The following KIAA1217 variants were observed in gnomAD, a reference collection of about 807,000 sequenced individuals.
KIAA1217 encodes sickle tail protein homolog.
KIAA1217 carries 88 observed loss-of-function variants against 163.9 expected under a neutral mutation model. That is an observed-to-expected ratio of 0.54 (90% CI 0.45 to 0.64). The LOEUF (loss-of-function observed/expected upper bound fraction) is 0.64, where lower values mean the gene tolerates loss of function less well. KIAA1217 is among the 30% of genes least tolerant of loss of function. The pLI is 0.00. For missense variants in KIAA1217, 2,372 were observed against 2,475.0 expected (o/e 0.96, Z 0.88); for synonymous variants, 903 against 923.1 (o/e 0.98, Z 0.39).
chr10:24,118,467 C>T (rs1437062339), intron 2 of KIAA1217, among the ~76,000 whole-genome samples: 2 of 152,174 alleles, frequency 1.3e-5, no homozygotes, highest in East Asian at 1.9e-4. Context: ...GTAGGGAGTC[C>T]TCAGCAGGAA....
At chr10:24,361,456 G>A (rs1363960609) in intron 2 of KIAA1217, among the ~76,000 whole-genome samples, 2 of 152,130 alleles carry the variant, frequency 1.3e-5, no homozygotes, top group African/African-American at 4.8e-5. Context: ...CCAAAGTGCT[G>A]AATTTACAGG....
At chr10:24,288,792 C>T (rs78534414) in intron 2 of KIAA1217, among the ~76,000 whole-genome samples, 2 of 152,286 alleles carry the variant, frequency 1.3e-5, no homozygotes, top group East Asian at 3.9e-4. Flanking sequence ...CATGCTTGGA[C>T]ATGAGACAGC....
Position 24,545,844 on chromosome 10 carries a change from G to A in KIAA1217, c.5352G>A (p.Lys1784=), listed in dbSNP as rs1444601229. 6.3e-7 allele frequency: 1 copy of A among 1,594,934 alleles called. No individual in the cohort carries two copies. Among genetic ancestry groups the A allele is most frequent in the Non-Finnish European group, 8.5e-7 (1 of 1,172,346 alleles). Residue 1784 remains lysine (K), a synonymous_variant, in exon 21 of 21, where the codon AAG becomes AAA. Transcript: ENST00000376454. ...RQYRQANGSA[K]KSGGDFKPTS... ...ATTTGCAGGCTAATGGAAGTGCTAA[G>A]AAATCTGGTGGGGACTTTAAGCCTA... is the stretch of plus-strand genomic sequence containing the variant.
Position 23,868,265 on chromosome 10 carries a change from C to G in KIAA1217, c.-320-138960C>G, listed in dbSNP as rs536821797. On this transcript the variant is annotated intron_variant, in intron 1 of 18. Transcript: ENST00000376462. The stretch of plus-strand genomic sequence containing the variant: ...ATGGTTTTCTTTGCTTCCAGGAAAG[C>G]AGCCCAGATGTACGGTTACTCAGTT... Among the ~76,000 whole-genome samples, 3 of 152,210 alleles carry G rather than the reference C, an allele frequency of 2.0e-5. 1 individual carries two copies. Among genetic ancestry groups the G allele is most frequent in the Admixed American group, 2.0e-4 (3 of 15,272 alleles).
At chr10:24,015,901 G>T (rs1053949078) in intron 2 of KIAA1217, among the ~76,000 whole-genome samples, 2 of 151,646 alleles carry the variant, frequency 1.3e-5, no homozygotes, top group Non-Finnish European at 2.9e-5. Flanking sequence ...TCCTGTTTGC[G>T]TAGGGTAAAA....
chr10:23,997,255 C>T (rs917217225), intron 1 of KIAA1217, among the ~76,000 whole-genome samples: 3 of 152,212 alleles, frequency 2.0e-5, no homozygotes, highest in Non-Finnish European at 4.4e-5. Context: ...CATTTTCCCA[C>T]ATTATCACAT....
intron 1 of KIAA1217, among the ~76,000 whole-genome samples, chr10:23,913,426 A>G (rs577303150): frequency 1.8e-4 from 28 of 152,136 alleles, no homozygotes; most frequent in Middle Eastern, 3.4e-3. Flanking sequence ...AAAAAAAAAA[A>G]AGTAAAAGAT....
intron 1 of KIAA1217, among the ~76,000 whole-genome samples, chr10:23,868,319 G>A (rs1305189556): frequency 6.6e-6 from 1 of 152,114 alleles, no homozygotes; most frequent in Non-Finnish European, 1.5e-5. Flanking sequence ...AGGATTCAAA[G>A]ACAGACCAGC....
intron 1 of KIAA1217, among the ~76,000 whole-genome samples, chr10:23,696,523 A>G (rs149175229): frequency 1.8e-4 from 28 of 152,302 alleles, no homozygotes; most frequent in African/African-American, 6.5e-4. Flanking sequence ...TGGTCACCCA[A>G]TTTCACTCCA....
chr10:24,524,507 G>C lies in KIAA1217; in HGVS notation c.2641G>C (p.Gly881Arg), dbSNP rs181535242. The change falls in exon 13 of 21, where the codon GGC becomes CGC. Residue 881 changes from glycine (G) to arginine (R), a missense_variant. Gly to Arg is a moderately radical substitution (Grantham distance 125). This residue lies in a region of KIAA1217 where 1,431 missense variants were observed against 1,470.3 expected (regional missense o/e 0.97). Transcript: ENST00000376454. ...GAAGTCGGAAGTGGTGCCTTTGTCCGGCATGATGGTTCGCCACGCGCAGAG... is the reference window on the plus strand; with the variant it reads ...GAAGTCGGAAGTGGTGCCTTTGTCCCGCATGATGGTTCGCCACGCGCAGAG... ...DAKSEVVPLS[G>R]MMVRHAQSSP... 6.2e-7 allele frequency: 1 copy of C among 1,614,010 alleles called. No individual in the cohort carries two copies. The highest frequency in any genetic ancestry group is 1.3e-5 in the African/African-American group (1 of 74,932).
intron 1 of KIAA1217, among the ~76,000 whole-genome samples, chr10:23,839,121 C>A (rs1838643816): frequency 1.3e-5 from 2 of 151,962 alleles, no homozygotes; most frequent in African/African-American, 4.8e-5. Flanking sequence ...TTAAATTATC[C>A]AATACATGCC....
rs2073380558 is a variant in KIAA1217 at position 24,533,174 on chromosome 10, C to T, written c.3351C>T (p.Thr1117=). Residue 1117 remains threonine, a synonymous_variant, in exon 16 of 21, where the codon ACC becomes ACT. Coordinates refer to ENST00000376454, the MANE Select transcript of KIAA1217 (RefSeq NM_019590.5). ...AWTPSPPPVT[T]SSSKDEEEEE... ...CCCCATCCCCACCGCCTGTCACCAC[C>T]TCCTCCTCAAAGGATGAGGAGGAAG... 1.2e-6 allele frequency: 2 copies of T among 1,613,594 alleles called. No individual in the cohort carries two copies. Among genetic ancestry groups the T allele is most frequent in the Non-Finnish European group, 1.7e-6 (2 of 1,179,898 alleles).
In KIAA1217 at chr10:24,158,423, T is replaced by A. The variant is rs1038813276; in HGVS notation, c.-170-61203T>A. The A allele has an allele frequency of 1.7e-5, 10 of 582,300 alleles. No homozygotes were observed. In the Admixed American group the frequency reaches 1.9e-4, roughly 11 times the overall value. The allele number at this position is 582,300 out of a possible 1,614,324, so 36.1% of individuals were successfully genotyped here. ...TTACAATTTGCACAGTATGGGAATATCTTAAAACACATGATGTCTAACACA... is the reference window on the plus strand; with the variant it reads ...TTACAATTTGCACAGTATGGGAATAACTTAAAACACATGATGTCTAACACA... On this transcript the variant is annotated intron_variant, in intron 2 of 18. Transcript: ENST00000376462.
At chr10:24,445,533 C>T (rs189767466) in intron 5 of KIAA1217, among the ~76,000 whole-genome samples, 1 of 111,556 alleles carries the variant, frequency 9.0e-6, no homozygotes, top group African/African-American at 3.4e-5. Context: ...CTCCCCCCTC[C>T]CCCCACCCCA....
At chr10:24,016,059 T>A (rs1847466929) in intron 2 of KIAA1217, among the ~76,000 whole-genome samples, 1 of 152,124 alleles carries the variant, frequency 6.6e-6, no homozygotes, top group African/African-American at 2.4e-5. Flanking sequence ...ACACCTTAAT[T>A]TATGTATCTC....
intron 1 of KIAA1217, among the ~76,000 whole-genome samples, chr10:23,950,525 T>C (rs562659742): frequency 1.3e-5 from 2 of 152,124 alleles, no homozygotes; most frequent in African/African-American, 4.8e-5. Context: ...GCACGAAAAT[T>C]GGGCCGGGCC....
intron 1 of KIAA1217, among the ~76,000 whole-genome samples, chr10:23,788,599 T>G (rs1270211296): frequency 1.3e-5 from 2 of 152,184 alleles, no homozygotes; most frequent in Non-Finnish European, 2.9e-5. Flanking sequence ...AATTAATTAA[T>G]GGAAGGTCAG....
At chr10:23,809,185 A>G (rs1333048401) in intron 1 of KIAA1217, among the ~76,000 whole-genome samples, 1 of 152,116 alleles carries the variant, frequency 6.6e-6, no homozygotes, top group Non-Finnish European at 1.5e-5. Context: ...AGAATGATGA[A>G]TAAATAACAT....
At chr10:24,070,297 AAG>A (rs1554854793) in intron 2 of KIAA1217, among the ~76,000 whole-genome samples, 7 of 152,166 alleles carry the variant, frequency 4.6e-5, no homozygotes, top group African/African-American at 9.7e-5. Flanking sequence ...ATAAAAAAAA[AAG>A]AGATATTAAT....
Sources: gnomAD v4.1 joint callset for allele counts (sites outside exome capture counted in the v4.1 genomes callset) on GRCh38, gnomAD v4.1.1 for gene constraint, gnomAD v4.1.1 regional missense constraint, MANE v1.5 for transcripts, NCBI Gene and HGNC (gene_info 2026-07-23, HGNC 2026-07-21) for gene names.